Variants in FLRT1 observed in about 807,000 individuals in gnomAD.
The protein encoded by FLRT1 is fibronectin leucine rich transmembrane protein 1.
FLRT1 carries 14 observed loss-of-function variants against 30.9 expected under a neutral mutation model. The observed-to-expected ratio is 0.45, with a 90% CI of 0.30 to 0.71. FLRT1 has a LOEUF of 0.71. Ranked by LOEUF, FLRT1 falls within the 30% of genes least tolerant of loss-of-function variation. The probability of loss-of-function intolerance (pLI) is 0.08; values close to 1 mark genes in which losing one functional copy is unlikely to be tolerated. For synonymous variants in FLRT1, 368 were observed against 430.4 expected, an observed-to-expected ratio of 0.85 and a Z score of 1.80; for missense variants, 737 against 949.2, an observed-to-expected ratio of 0.78 and a Z score of 2.94.
chr11:64,118,501 G>C lies in FLRT1; in HGVS notation c.*209G>C, dbSNP rs1044095455. The C allele has an allele frequency of 4.0e-6, 2 of 498,494 alleles. No individual in the cohort carries two copies. The highest frequency in any genetic ancestry group is 7.0e-6 in the Non-Finnish European group (2 of 285,222). The allele number at this position is 498,494 out of a possible 1,614,324, so 30.9% of individuals were successfully genotyped here. A position where few individuals can be genotyped will look rare whatever the true frequency, so the allele number is the denominator to read the frequency against. On this transcript the variant is annotated 3_prime_UTR_variant, in exon 3 of 3. Coordinates refer to ENST00000682287, the MANE Select transcript of FLRT1 (RefSeq NM_013280.5). The stretch of plus-strand genomic sequence containing the variant: ...TTAAAAGAATAGAAGGCAGGAGGGG[G>C]AATTCGACATTGTTGAAGACATAAT...
At position 64,118,237 on chromosome 11, in the gene FLRT1, C is replaced by T; in HGVS notation, c.1970C>T (p.Thr657Ile). Residue 657 changes from threonine to isoleucine, a missense_variant, in exon 3 of 3, where the codon ACC (threonine) becomes ATC (isoleucine). Physicochemically the swap from Thr to Ile is moderately conservative, Grantham distance 89. Coordinates refer to ENST00000682287, the MANE Select transcript of FLRT1 (RefSeq NM_013280.5). ...GCCACACACACCATTGGCTACGGCA[C>T]CACGCGGGGCTACCGGGACGGCGGC... ...CKATHTIGYG[T>I]TRGYRDGGIP... The T allele has an allele frequency of 6.2e-7, 1 of 1,608,490 alleles. No individual in the cohort carries two copies. The highest frequency in any genetic ancestry group is 8.5e-7 in the Non-Finnish European group (1 of 1,176,354).
At chr11:64,078,497 G>A (rs914843181) in intron 1 of FLRT1, among the ~76,000 whole-genome samples, 14 of 152,192 alleles carry the variant, frequency 9.2e-5, no homozygotes, top group Non-Finnish European at 1.5e-4. Flanking sequence ...ATTCCACCCC[G>A]GCCTCCCCTT....
chr11:64,058,836 C>T (rs762601139), intron 1 of FLRT1, among the ~76,000 whole-genome samples: 21 of 152,032 alleles, frequency 1.4e-4, no homozygotes, highest in Non-Finnish European at 2.2e-4. Flanking sequence ...AGAGGGCAGC[C>T]GGCAAGGGGG....
chr11:64,059,062 A>T (rs569451314), intron 1 of FLRT1, among the ~76,000 whole-genome samples: 1 of 152,278 alleles, frequency 6.6e-6, no homozygotes, highest in South Asian at 2.1e-4. Flanking sequence ...TGGGCACCCA[A>T]TTTGCACTGG....
intron 1 of FLRT1, among the ~76,000 whole-genome samples, chr11:64,040,095 G>A (rs1332641046): frequency 3.9e-5 from 6 of 152,240 alleles, no homozygotes; most frequent in Non-Finnish European, 8.8e-5. Flanking sequence ...GCACAGTGCT[G>A]GGCTCTGGGA....
At chr11:64,079,091 C>G (rs940060915) in intron 1 of FLRT1, among the ~76,000 whole-genome samples, 5 of 151,584 alleles carry the variant, frequency 3.3e-5, no homozygotes, top group African/African-American at 1.2e-4. Flanking sequence ...GCTGCTGTCT[C>G]CTGGCAAGAG....
At chr11:64,071,935 C>T (rs926131693) in intron 1 of FLRT1, among the ~76,000 whole-genome samples, 2 of 152,214 alleles carry the variant, frequency 1.3e-5, no homozygotes, top group African/African-American at 4.8e-5. Context: ...ACTTCTAGGT[C>T]CCGGCTCTGC....
chr11:64,076,964 C>A (rs529558761), intron 1 of FLRT1, among the ~76,000 whole-genome samples: 1 of 152,166 alleles, frequency 6.6e-6, no homozygotes, highest in East Asian at 1.9e-4. Context: ...TGGGTTATCA[C>A]CTCCTAAAAA....
intron 2 of FLRT1, among the ~76,000 whole-genome samples, chr11:64,114,631 A>C (rs1443366902): frequency 3.3e-5 from 5 of 151,566 alleles, no homozygotes; most frequent in Non-Finnish European, 7.4e-5. Flanking sequence ...GGACAGGTGC[A>C]TGCATGAATG....
intron 1 of FLRT1, among the ~76,000 whole-genome samples, chr11:64,040,772 T>C (rs1393298500): frequency 6.6e-6 from 1 of 151,974 alleles, no homozygotes; most frequent in African/African-American, 2.4e-5. Flanking sequence ...GGAAGTGGGC[T>C]GGGGTGCAGG....
At chr11:64,113,603 GTGGATGGATGGATGGATGGA>G (rs138402349) in intron 2 of FLRT1, among the ~76,000 whole-genome samples, 16 of 117,454 alleles carry the variant, frequency 1.4e-4, no homozygotes, top group East Asian at 5.6e-4. Context: ...GGATGGTTAG[GTGGATGGATGGATGGATGGA>G]TGGATGGATG....
In FLRT1 at chr11:64,082,354, C is replaced by T. The variant is rs1030471831; in HGVS notation, c.-1037-20840C>T. Reference sequence around the variant, plus strand: ...TCCGGGGGGACCGTGGAAGGCAGGACGGGGGCCAGGAGCATGGCTGGAGTG... The same window carrying T: ...TCCGGGGGGACCGTGGAAGGCAGGATGGGGGCCAGGAGCATGGCTGGAGTG... On this transcript the variant is annotated intron_variant, in intron 1 of 2. Transcript: ENST00000682287. This position sits in a 1 kb window ranked among gnomAD's most constrained non-coding sequence, Gnocchi z 4.5. Among the ~76,000 whole-genome samples, 6 of 151,494 alleles carry T rather than the reference C, an allele frequency of 4.0e-5. No individual in the cohort carries two copies. Among genetic ancestry groups the T allele is most frequent in the African/African-American group, 1.5e-4 (6 of 41,202 alleles).
intron 2 of FLRT1, among the ~76,000 whole-genome samples, chr11:64,113,417 CATGGATGGATGG>C (rs71045732): frequency 7.6e-5 from 11 of 144,716 alleles, no homozygotes; most frequent in Non-Finnish European, 1.1e-4. Flanking sequence ...CAGGTTGATG[CATGGATGGATGG>C]ATGGATGGAT....
At chr11:64,060,502 C>A (rs892075587) in intron 1 of FLRT1, 2 of 152,190 alleles carry the variant, frequency 1.3e-5, no homozygotes, top group Non-Finnish European at 2.9e-5. Flanking sequence ...AGATGCCTGG[C>A]GGCTCCGAGG....
intron 1 of FLRT1, among the ~76,000 whole-genome samples, chr11:64,047,041 GC>G (rs754548217): frequency 1.3e-5 from 2 of 151,548 alleles, no homozygotes; most frequent in Non-Finnish European, 2.9e-5. Context: ...TCGCCCCAGT[GC>G]CCCCCCCGGC....
chr11:64,106,889 T>A (rs949620747), intron 2 of FLRT1, among the ~76,000 whole-genome samples: 10 of 152,176 alleles, frequency 6.6e-5, no homozygotes, highest in African/African-American at 9.6e-5. Context: ...TATTTTATTT[T>A]ATTTTTTTTT....
intron 2 of FLRT1, among the ~76,000 whole-genome samples, chr11:64,108,555 T>C (rs1005691817): frequency 6.6e-6 from 1 of 152,156 alleles, no homozygotes; most frequent in Non-Finnish European, 1.5e-5. Context: ...GGGTCTTTCA[T>C]TAATTTAAAC....
At chr11:64,094,899 G>A (rs948791859) in intron 1 of FLRT1, among the ~76,000 whole-genome samples, 2 of 152,224 alleles carry the variant, frequency 1.3e-5, no homozygotes, top group Non-Finnish European at 1.5e-5. Flanking sequence ...TGTCCCATCT[G>A]GGCCTGTGTC....
chr11:64,081,618 A>C (rs1944305126), intron 1 of FLRT1: 1 of 123,526 alleles, frequency 8.1e-6, no homozygotes, highest in Non-Finnish European at 2.0e-5. Flanking sequence ...AAGGTGAGGA[A>C]GGGGACCACT....
Sources: gnomAD v4.1 joint callset for allele counts (sites outside exome capture counted in the v4.1 genomes callset) on GRCh38, gnomAD v4.1.1 for gene constraint, Gnocchi (gnomAD v3.1) non-coding constraint, MANE v1.5 for transcripts, NCBI Gene and HGNC (gene_info 2026-07-23, HGNC 2026-07-21) for gene names.